Variants in C2 observed in about 807,000 individuals in gnomAD.
C2 encodes the protein C3/C5 convertase.
In C2, 64 loss-of-function variants were observed where a neutral mutation model predicts 85.2. The observed-to-expected ratio is 0.75, with a 90% CI of 0.61 to 0.92. The LOEUF (loss-of-function observed/expected upper bound fraction) is 0.92, where lower values mean the gene tolerates loss of function less well. C2 is among the 40% of genes least tolerant of loss of function. C2 has a pLI of 0.00. For missense variants in C2, 820 were observed against 971.6 expected (o/e 0.84, Z 2.07); for synonymous variants, 311 against 370.8 (o/e 0.84, Z 1.85).
intron 1 of C2, among the ~76,000 whole-genome samples, chr6:31,910,652 G>A (rs1295877734): frequency 6.6e-6 from 1 of 152,036 alleles, no homozygotes; most frequent in Non-Finnish European, 1.5e-5. Flanking sequence ...TGAAATTTCT[G>A]ACTGTTAAAG....
chr6:31,938,655 C>A (rs1770635159), intron 8 of C2, among the ~76,000 whole-genome samples: 1 of 151,616 alleles, frequency 6.6e-6, no homozygotes, highest in African/African-American at 2.4e-5. Context: ...CCATGCCTGG[C>A]TAATTTTTAT....
intron 1 of C2, among the ~76,000 whole-genome samples, chr6:31,909,067 T>C (rs1767916684): frequency 6.6e-6 from 1 of 151,998 alleles, no homozygotes; most frequent in African/African-American, 2.4e-5. Context: ...ACAGTTTAGT[T>C]TTGTCTGTTT....
upstream of C2, chr6:31,900,121 G>C (rs1191136397): frequency 6.2e-7 from 1 of 1,614,072 alleles, no homozygotes. This position sits in a 1 kb window ranked among gnomAD's most constrained non-coding sequence, Gnocchi z 9.7. Context: ...TCTGTGTGAA[G>C]CACTTGCCGC....
rs570334519 is a variant in C2 at position 31,904,327 on chromosome 6, T to A, written c.73+3188T>A. On this transcript the variant is annotated intron_variant, in intron 1 of 3. Coordinates refer to the C2 transcript ENST00000452202. This position sits in a 1 kb window ranked among gnomAD's most constrained non-coding sequence, Gnocchi z 4.4. The stretch of plus-strand genomic sequence containing the variant: ...TTTTATTTTAATTAATTAATTAATT[T>A]ATTTAGCTGGAGTTTTGCTCTTGTC... 3.9e-4 allele frequency among the ~76,000 whole-genome samples: 60 copies of A among 152,162 alleles called. No individual in the cohort carries two copies. The highest frequency in any genetic ancestry group is 3.1e-3 in the East Asian group (16 of 5,182).
chr6:31,917,865 C>T (rs1768660438), upstream of C2, among the ~76,000 whole-genome samples: 1 of 151,846 alleles, frequency 6.6e-6, no homozygotes, highest in Non-Finnish European at 1.5e-5. Context: ...GAGATCACGC[C>T]ATTGCACTCC....
chr6:31,938,644 A>G (rs1445842055), intron 8 of C2, among the ~76,000 whole-genome samples: 1 of 151,576 alleles, frequency 6.6e-6, no homozygotes, highest in African/African-American at 2.4e-5. Context: ...GGCATGTGTC[A>G]CCATGCCTGG....
chr6:31,913,011 T>C (rs1038351118), intron 1 of C2, among the ~76,000 whole-genome samples: 34 of 115,950 alleles, frequency 2.9e-4, no homozygotes, highest in Non-Finnish European at 4.6e-4. Context: ...CTGGGTAAGA[T>C]GGTGAAACCC....
chr6:31,905,582 C>G (rs1767660261), intron 1 of C2, among the ~76,000 whole-genome samples: 4 of 149,344 alleles, frequency 2.7e-5, no homozygotes. Context: ...GCCTGGGCAA[C>G]AAAGCGAGAC....
chr6:31,899,750 C>T, upstream of C2: 1 of 698,670 alleles, frequency 1.4e-6, no homozygotes, highest in Non-Finnish European at 2.3e-6. Context: ...CTTGCACTCT[C>T]AAGAGCAAGT....
chr6:31,900,747 C>G, upstream of C2: 1 of 1,593,258 alleles, frequency 6.3e-7, no homozygotes, highest in South Asian at 1.1e-5. This position sits in a 1 kb window ranked among gnomAD's most constrained non-coding sequence, Gnocchi z 9.7. Context: ...AAGTCTTCAT[C>G]CAGTGGGAAC....
At position 31,943,068 on chromosome 6, in the gene C2, G is replaced by A. The variant is rs773348525; in HGVS notation, c.1329G>A (p.Lys443=). 3 of 1,613,072 alleles carry A rather than the reference G, an allele frequency of 1.9e-6. 1 individual carries two copies. In the South Asian group the frequency reaches 3.3e-5, roughly 18 times the overall value. The change falls in exon 10 of 18, where the codon AAG becomes AAA. Residue 443 remains lysine (K), a synonymous_variant. Coordinates refer to ENST00000299367, the MANE Select transcript of C2 (RefSeq NM_000063.6). This position sits in a 1 kb window ranked among gnomAD's most constrained non-coding sequence, Gnocchi z 6.4. ...ATGCCTTCATTCTGCAGGACACAAA[G>A]GCTCTGCACCAGGTCTTTGAACATA... ...ERHAFILQDT[K]ALHQVFEHML...
chr6:31,932,943 G>A (rs1183937678), intron 3 of C2, among the ~76,000 whole-genome samples: 2 of 152,238 alleles, frequency 1.3e-5, no homozygotes, highest in Non-Finnish European at 2.9e-5. Context: ...GCGAAACCCC[G>A]TCTCCACTAA....
In C2 at chr6:31,922,285, C is replaced by T. The variant is rs1769027227; in HGVS notation, c.-100+2259C>T. On this transcript the variant is annotated intron_variant, in intron 1 of 3. Transcript: ENST00000413154. The surrounding 1 kb of genome is among the most constrained non-coding windows in gnomAD (Gnocchi z 4.8). Reference sequence around the variant, plus strand: ...AAAGTCACACATTAAGGCTGTGAACCAGGCCAAGCCAGACTAGTTTTCCAA... The same window carrying T: ...AAAGTCACACATTAAGGCTGTGAACTAGGCCAAGCCAGACTAGTTTTCCAA... 6.6e-6 allele frequency among the ~76,000 whole-genome samples: 1 copy of T among 152,068 alleles called. No homozygotes were observed. Among genetic ancestry groups the T allele is most frequent in the African/African-American group, 2.4e-5 (1 of 41,406 alleles).
At chr6:31,938,481 C>T (rs1962728) in intron 8 of C2, among the ~76,000 whole-genome samples, 3 of 142,988 alleles carry the variant, frequency 2.1e-5, no homozygotes, top group African/African-American at 5.2e-5. Context: ...TGTATACATA[C>T]ATATATATAT....
intron 9 of C2, among the ~76,000 whole-genome samples, chr6:31,940,149 T>C (rs1770766997): frequency 6.6e-6 from 1 of 152,234 alleles, no homozygotes; most frequent in Non-Finnish European, 1.5e-5. Context: ...TCATCTTCAG[T>C]GGGCTGTGGC....
Position 31,933,782 on chromosome 6 carries a change from C to T in C2, c.615C>T (p.Arg205=). The change falls in exon 4 of 18, where the codon CGC becomes CGT. Residue 205 remains arginine, a splice_region_variant and synonymous_variant. Transcript: ENST00000299367. ...GVWSGTEPIC[R]QPYSYDFPED... ...GGAGTGGAACGGAGCCCATCTGCCG[C>T]CGTGAGTAGCTGCCCTGCCCTCCTG... The T allele has an allele frequency of 6.2e-7, 1 of 1,613,832 alleles. No homozygotes were observed. Among genetic ancestry groups the T allele is most frequent in the Non-Finnish European group, 8.5e-7 (1 of 1,180,040 alleles).
Position 31,944,808 on chromosome 6 carries a change from C to A in C2, c.1984C>A (p.Gln662Lys). 2.5e-6 allele frequency: 4 copies of A among 1,613,052 alleles called. No homozygotes were observed. The South Asian group carries it at 4.4e-5, about 18-fold the overall frequency. ...LTDVREVVTD[Q>K]FLCSGTQEDE... ...AGATGTCAGGGAGGTGGTGACAGAC[C>A]AGTTCCTATGCAGTGGGACCCAGGA... The change falls in exon 16 of 18, where the codon CAG becomes AAG. Residue 662 changes from glutamine to lysine, a missense_variant. Coordinates refer to ENST00000299367, the MANE Select transcript of C2 (RefSeq NM_000063.6). The surrounding 1 kb of genome is among the most constrained non-coding windows in gnomAD (Gnocchi z 5.1).
intron 7 of C2, chr6:31,936,331 A>T: frequency 2.0e-6 from 1 of 488,082 alleles, no homozygotes; most frequent in East Asian, 3.9e-5. Context: ...TCTGGTTTGC[A>T]TGGCTGCACA....
intron 3 of C2, among the ~76,000 whole-genome samples, chr6:31,932,113 A>C (rs28367416): frequency 1.7e-5 from 1 of 57,250 alleles, no homozygotes. Context: ...TGGCCGGGCG[A>C]GGGGCTGACC....
Sources: allele counts gnomAD v4.1 joint callset (sites outside exome capture counted in the v4.1 genomes callset), GRCh38; gene constraint gnomAD v4.1.1; non-coding constraint Gnocchi (gnomAD v3.1); transcripts MANE v1.5; gene names NCBI Gene and HGNC (gene_info 2026-07-23, HGNC 2026-07-21).